The following TTC23 variants were observed in gnomAD, a reference collection of about 807,000 sequenced individuals.
The protein encoded by TTC23 is tetratricopeptide repeat domain 23.
Under a neutral mutation model 55.1 loss-of-function variants are expected in TTC23, and 58 were observed. That is an observed-to-expected ratio of 1.05 (90% CI 0.85 to 1.31). The LOEUF (loss-of-function observed/expected upper bound fraction) is 1.31. Ranked by LOEUF, TTC23 falls within the 50% of genes most tolerant of loss-of-function variation. TTC23 has a pLI of 0.00. For synonymous variants in TTC23, 203 were observed against 199.9 expected (o/e 1.02, Z -0.13); for missense variants, 516 against 534.4 (o/e 0.97, Z 0.34).
intron 12 of TTC23, among the ~76,000 whole-genome samples, chr15:99,151,824 C>T (rs1328026854): frequency 6.6e-6 from 1 of 152,120 alleles, no homozygotes; most frequent in Non-Finnish European, 1.5e-5. Flanking sequence ...TGTGCGATGC[C>T]GACCACCTGG....
chr15:99,147,502 G>A (rs540875786), intron 12 of TTC23, among the ~76,000 whole-genome samples: 4 of 152,314 alleles, frequency 2.6e-5, no homozygotes, highest in African/African-American at 9.6e-5. Flanking sequence ...TGGGATTACA[G>A]GCGTGAGCCA....
chr15:99,163,098 C>CAAAT (rs1200272292), intron 10 of TTC23, among the ~76,000 whole-genome samples: 1 of 151,592 alleles, frequency 6.6e-6, no homozygotes. Context: ...AACAAACAAA[C>CAAAT]AAACAAACAA....
At chr15:99,142,793 C>T (rs574244249) in intron 12 of TTC23, among the ~76,000 whole-genome samples, 2 of 152,262 alleles carry the variant, frequency 1.3e-5, no homozygotes, top group Non-Finnish European at 2.9e-5. Flanking sequence ...GTTACAAACC[C>T]GTGTGCTCAC....
At chr15:99,196,467 A>C (rs2075719828) in intron 9 of TTC23, among the ~76,000 whole-genome samples, 1 of 152,190 alleles carries the variant, frequency 6.6e-6, no homozygotes, top group African/African-American at 2.4e-5. Flanking sequence ...TATTGATACT[A>C]ACAAAAGTTG....
At chr15:99,173,710 G>A (rs757743306) in intron 10 of TTC23, among the ~76,000 whole-genome samples, 20 of 152,304 alleles carry the variant, frequency 1.3e-4, no homozygotes, top group African/African-American at 4.6e-4. Flanking sequence ...GCCAGGGCTG[G>A]AGCTTAAGTA....
intron 5 of TTC23, among the ~76,000 whole-genome samples, chr15:99,227,752 G>C (rs1177609462): frequency 1.3e-5 from 2 of 152,066 alleles, no homozygotes; most frequent in African/African-American, 4.8e-5. Flanking sequence ...TCAGACCATT[G>C]GCTCTTGTCC....
chr15:99,230,377 T>C (rs1320695579), intron 4 of TTC23, among the ~76,000 whole-genome samples: 2 of 152,136 alleles, frequency 1.3e-5, no homozygotes, highest in African/African-American at 4.8e-5. Flanking sequence ...AGTTGCCTAA[T>C]ATATATGTCA....
rs758947653 is a variant in TTC23 at position 99,228,730 on chromosome 15, C to G, written c.-18G>C. ...TCTTGCATATTTTTATATACATTGTCTTCTAATTTTAAAATAAAAAACAAA... is the reference window on the plus strand; with the variant it reads ...TCTTGCATATTTTTATATACATTGTGTTCTAATTTTAAAATAAAAAACAAA... On this transcript the variant is annotated splice_region_variant and 5_prime_UTR_variant, in exon 5 of 14. Transcript: ENST00000394132. 1 of 1,539,958 alleles carries G rather than the reference C, an allele frequency of 6.5e-7. No individual in the cohort carries two copies. Among genetic ancestry groups the G allele is most frequent in the Non-Finnish European group, 8.8e-7 (1 of 1,142,544 alleles).
chr15:99,218,860 A>G, intron 7 of TTC23, 38 bp downstream of exon 7: 1 of 1,602,064 alleles, frequency 6.2e-7, no homozygotes, highest in South Asian at 1.1e-5. Context: ...TTACGTGAAT[A>G]GTATTTCTAT....
chr15:99,195,512 T>C (rs539124053), intron 9 of TTC23, among the ~76,000 whole-genome samples: 3 of 152,338 alleles, frequency 2.0e-5, no homozygotes, highest in East Asian at 1.9e-4. Flanking sequence ...GTAAATGGTA[T>C]AGCCATTTTG....
At chr15:99,142,506 A>G (rs1297899287) in intron 12 of TTC23, among the ~76,000 whole-genome samples, 1 of 152,188 alleles carries the variant, frequency 6.6e-6, no homozygotes, top group Admixed American at 6.5e-5. Context: ...TTGTTAATTC[A>G]TTCACTGTGG....
At chr15:99,142,358 T>C (rs1555490823) in intron 12 of TTC23, among the ~76,000 whole-genome samples, 1 of 152,102 alleles carries the variant, frequency 6.6e-6, no homozygotes, top group African/African-American at 2.4e-5. Flanking sequence ...CAGAATAGAC[T>C]CTATTTTGCC....
intron 6 of TTC23, 135 bp from the exon 7 acceptor site, chr15:99,219,183 G>T: frequency 1.1e-6 from 1 of 942,978 alleles, no homozygotes; most frequent in Non-Finnish European, 1.6e-6. Flanking sequence ...TATCTGGGCA[G>T]CATGAAACAC....
intron 9 of TTC23, among the ~76,000 whole-genome samples, chr15:99,176,898 C>A (rs560933931): frequency 6.6e-6 from 1 of 152,250 alleles, no homozygotes; most frequent in Admixed American, 6.5e-5. Context: ...TGCTGCCATT[C>A]CCCCCACCCT....
intron 9 of TTC23, 121 bp from the exon 10 acceptor site, chr15:99,175,276 AT>A: frequency 1.3e-6 from 1 of 761,584 alleles, no homozygotes; most frequent in Non-Finnish European, 2.1e-6. Context: ...AGAAGAAATG[AT>A]TTATGTGGAA....
At chr15:99,241,026 T>A (rs1242475069) in intron 3 of TTC23, among the ~76,000 whole-genome samples, 1 of 152,134 alleles carries the variant, frequency 6.6e-6, no homozygotes, top group Non-Finnish European at 1.5e-5. Context: ...CATAAAAACA[T>A]ACTTCTCAGG....
intron 9 of TTC23, among the ~76,000 whole-genome samples, 200 bp downstream of exon 9, chr15:99,199,719 C>T (rs1472212837): frequency 6.6e-6 from 1 of 152,194 alleles, no homozygotes; most frequent in African/African-American, 2.4e-5. Context: ...TGTGCAACTA[C>T]TAACAGGGGA....
chr15:99,142,618 A>AT (rs2068366159), intron 12 of TTC23, among the ~76,000 whole-genome samples: 1 of 152,164 alleles, frequency 6.6e-6, no homozygotes, highest in Non-Finnish European at 1.5e-5. Flanking sequence ...ACTCAGAGGA[A>AT]TTTCCATCCT....
chr15:99,162,457 T>G (rs1004398917), intron 10 of TTC23, among the ~76,000 whole-genome samples: 8 of 152,144 alleles, frequency 5.3e-5, no homozygotes, highest in African/African-American at 1.9e-4. Context: ...ACCTCAGGTA[T>G]GGAAAATGAC....
Sources: gnomAD v4.1 joint callset for allele counts (sites outside exome capture counted in the v4.1 genomes callset) on GRCh38, gnomAD v4.1.1 for gene constraint, MANE v1.5 for transcripts, NCBI Gene and HGNC (gene_info 2026-07-23, HGNC 2026-07-21) for gene names.